Variants in STAG1 observed in about 807,000 individuals in gnomAD.
The protein encoded by STAG1 is STAG1 cohesin complex component.
STAG1 carries 26 observed loss-of-function variants against 170.9 expected under a neutral mutation model. The ratio of observed to expected loss-of-function variants is 0.15; its 90% CI spans 0.11 to 0.21. The LOEUF is 0.21. Among genes scored for constraint, STAG1 ranks in the 10% least tolerant of loss-of-function variants. The probability of loss-of-function intolerance (pLI) is 1.00; values close to 1 mark genes in which losing one functional copy is unlikely to be tolerated. For synonymous variants in STAG1, 514 were observed against 497.7 expected, an observed-to-expected ratio of 1.03 and a Z score of -0.44; for missense variants, 964 against 1,509.5, an observed-to-expected ratio of 0.64 and a Z score of 5.99.
chr3:136,401,814 G>A (rs2087334348), intron 21 of STAG1, among the ~76,000 whole-genome samples: 1 of 152,008 alleles, frequency 6.6e-6, no homozygotes, highest in African/African-American at 2.4e-5. Context: ...GTCTTGCTCT[G>A]TCGCCCAGGC....
intron 1 of STAG1, chr3:136,736,461 G>A: frequency 8.0e-7 from 1 of 1,253,634 alleles, no homozygotes; most frequent in Non-Finnish European, 1.2e-6. Flanking sequence ...GAGATAGCAG[G>A]GGGAAGGTTC....
intron 4 of STAG1, among the ~76,000 whole-genome samples, chr3:136,573,207 AAG>A (rs1193715330): frequency 1.3e-5 from 2 of 152,036 alleles, no homozygotes; most frequent in Admixed American, 1.3e-4. Flanking sequence ...AAAAAAAAAA[AAG>A]AATTAAACTT....
chr3:136,601,302 C>A (rs962682969), intron 4 of STAG1, among the ~76,000 whole-genome samples: 1 of 151,642 alleles, frequency 6.6e-6, no homozygotes. Flanking sequence ...AAAATGTGCC[C>A]AAAAGACTGC....
intron 5 of STAG1, among the ~76,000 whole-genome samples, chr3:136,553,960 A>C (rs913887150): frequency 6.6e-6 from 1 of 152,218 alleles, no homozygotes; most frequent in African/African-American, 2.4e-5. Flanking sequence ...TGCAACTAAA[A>C]GACAGACTGA....
Position 136,336,840 on chromosome 3 carries a change from G to GTATT in STAG1, c.*1410_*1413dup, listed in dbSNP as rs1935697712. 1 of 152,130 alleles carries GTATT rather than the reference G, an allele frequency of 6.6e-6. No individual in the cohort carries two copies. Among genetic ancestry groups the GTATT allele is most frequent in the African/African-American group, 2.4e-5 (1 of 41,432 alleles). The allele number at this position is 152,130 out of a possible 1,614,324, so 9.4% of individuals were successfully genotyped here. ...TGCAGAATTTTAAAAAATGTTTTTC[G>GTATT]TATTTGATAAAAAGGGAAAGCCTCA... On this transcript the variant is annotated 3_prime_UTR_variant, in exon 34 of 34. Transcript: ENST00000383202.
At chr3:136,699,945 C>G (rs2107906480) in intron 1 of STAG1, among the ~76,000 whole-genome samples, 1 of 152,090 alleles carries the variant, frequency 6.6e-6, no homozygotes, top group South Asian at 2.1e-4. Context: ...ATACAAAGAA[C>G]CCTCCCAAGG....
intron 1 of STAG1, among the ~76,000 whole-genome samples, chr3:136,728,998 TGA>T (rs1933850182): frequency 6.6e-6 from 1 of 152,146 alleles, no homozygotes; most frequent in Non-Finnish European, 1.5e-5. Flanking sequence ...TTGTTTTTTT[TGA>T]GACAGGATTT....
At chr3:136,491,286 T>C (rs912144679) in intron 9 of STAG1, among the ~76,000 whole-genome samples, 7 of 152,138 alleles carry the variant, frequency 4.6e-5, no homozygotes, top group Non-Finnish European at 1.0e-4. Context: ...ACCAAGGGCT[T>C]CTCTCTTTTC....
intron 28 of STAG1, among the ~76,000 whole-genome samples, chr3:136,350,903 G>C (rs532196314): frequency 1.3e-5 from 2 of 152,258 alleles, no homozygotes; most frequent in East Asian, 3.9e-4. Context: ...AAAACAGCCG[G>C]AAGTTCAACA....
intron 6 of STAG1, among the ~76,000 whole-genome samples, chr3:136,529,412 C>G (rs1935251584): frequency 6.6e-6 from 1 of 151,988 alleles, no homozygotes; most frequent in Admixed American, 6.6e-5. Context: ...TATAAAGAAA[C>G]CTTCATCAGA....
intron 16 of STAG1, among the ~76,000 whole-genome samples, chr3:136,431,285 T>C (rs1184602017): frequency 6.6e-6 from 1 of 152,110 alleles, no homozygotes; most frequent in Non-Finnish European, 1.5e-5. Flanking sequence ...ACTTTTCTTT[T>C]TTTTTGAGTC....
intron 1 of STAG1, among the ~76,000 whole-genome samples, chr3:136,744,626 T>A (rs958387249): frequency 3.3e-5 from 5 of 151,918 alleles, no homozygotes; most frequent in African/African-American, 4.8e-5. Context: ...CTTTTCCCAG[T>A]GTTAGCTGCT....
chr3:136,693,969 G>C (rs958807788), intron 1 of STAG1, among the ~76,000 whole-genome samples: 5 of 152,102 alleles, frequency 3.3e-5, no homozygotes, highest in African/African-American at 1.2e-4. Flanking sequence ...TCTTTTAACT[G>C]AGAAATTCTA....
At chr3:136,396,910 G>C (rs967667738) in intron 22 of STAG1, among the ~76,000 whole-genome samples, 1 of 152,026 alleles carries the variant, frequency 6.6e-6, no homozygotes, top group Non-Finnish European at 1.5e-5. Context: ...ATTAATAAAA[G>C]AGAAAAACCA....
At chr3:136,487,049 C>T (rs918518681) in intron 9 of STAG1, among the ~76,000 whole-genome samples, 7 of 130,240 alleles carry the variant, frequency 5.4e-5, no homozygotes, top group Non-Finnish European at 1.1e-4. Flanking sequence ...AAGCACAGAA[C>T]GTGCAGGTTT....
intron 10 of STAG1, 67 bp downstream of exon 10, chr3:136,477,222 T>G (rs1446272313): frequency 6.7e-6 from 10 of 1,496,258 alleles, no homozygotes; most frequent in Non-Finnish European, 8.9e-6. Flanking sequence ...ACTGTCATTT[T>G]GATTCCCAGC....
At chr3:136,704,520 A>C (rs1428214772) in intron 1 of STAG1, among the ~76,000 whole-genome samples, 2 of 152,170 alleles carry the variant, frequency 1.3e-5, no homozygotes, top group African/African-American at 4.8e-5. Context: ...ATTATAAATC[A>C]AAAGTTGTTA....
chr3:136,386,306 T>C (rs2086872202), intron 22 of STAG1, among the ~76,000 whole-genome samples: 1 of 152,090 alleles, frequency 6.6e-6, no homozygotes, highest in South Asian at 2.1e-4. Flanking sequence ...GCCATTGCAC[T>C]CCAGCCTGGG....
chr3:136,704,774 G>A (rs1943176970), intron 1 of STAG1, among the ~76,000 whole-genome samples: 1 of 126,882 alleles, frequency 7.9e-6, no homozygotes. Flanking sequence ...AGTGAGCTGA[G>A]ATCATGTCAC....
Sources: gnomAD v4.1 joint callset for allele counts (sites outside exome capture counted in the v4.1 genomes callset) on GRCh38, gnomAD v4.1.1 for gene constraint, MANE v1.5 for transcripts, NCBI Gene and HGNC (gene_info 2026-07-23, HGNC 2026-07-21) for gene names.